Variants in AHI1 observed in about 807,000 individuals in gnomAD.
The protein encoded by AHI1 is Abelson helper integration site 1.
AHI1 carries 123 observed loss-of-function variants against 149.3 expected under a neutral mutation model. The observed-to-expected ratio is 0.82, with a 90% CI of 0.71 to 0.96. AHI1 has a LOEUF of 0.96. Among genes scored for constraint, AHI1 ranks in the 40% least tolerant of loss-of-function variants. The pLI is 0.00. For synonymous variants in AHI1, 475 were observed against 459.8 expected, an observed-to-expected ratio of 1.03 and a Z score of -0.42; for missense variants, 1,439 against 1,422.7, an observed-to-expected ratio of 1.01 and a Z score of -0.18.
At chr6:135,391,433 G>A (rs1217480517) in intron 23 of AHI1, among the ~76,000 whole-genome samples, 2 of 152,090 alleles carry the variant, frequency 1.3e-5, no homozygotes, top group African/African-American at 2.4e-5. Flanking sequence ...TACGTGTGCC[G>A]TTCACAGTAG....
chr6:135,363,045 T>A (rs557686604), intron 23 of AHI1, among the ~76,000 whole-genome samples: 1 of 147,830 alleles, frequency 6.8e-6, no homozygotes, highest in Non-Finnish European at 1.5e-5. Flanking sequence ...TTTTATTTTA[T>A]TATTATTATT....
chr6:135,389,792 A>T (rs1778203666), intron 23 of AHI1, among the ~76,000 whole-genome samples: 1 of 152,210 alleles, frequency 6.6e-6, no homozygotes, highest in African/African-American at 2.4e-5. Flanking sequence ...TCAAATATAA[A>T]CATGCAAAGA....
chr6:135,484,757 CAA>C (rs553118640), intron 5 of AHI1, among the ~76,000 whole-genome samples: 3 of 133,622 alleles, frequency 2.2e-5, no homozygotes, highest in Admixed American at 7.4e-5. Flanking sequence ...GGTTTTTGAC[CAA>C]AAAAAAAAAA....
At chr6:135,304,758 G>T (rs1056311998) in intron 26 of AHI1, among the ~76,000 whole-genome samples, 2 of 152,172 alleles carry the variant, frequency 1.3e-5, no homozygotes, top group Non-Finnish European at 2.9e-5. Context: ...GAGACAGAGC[G>T]AGATTCCATC....
At chr6:135,371,818 T>A (rs1025919100) in intron 23 of AHI1, among the ~76,000 whole-genome samples, 11 of 151,958 alleles carry the variant, frequency 7.2e-5, no homozygotes, top group African/African-American at 2.7e-4. Context: ...AGGGTTGGGG[T>A]GGGAGGACTT....
At chr6:135,480,877 T>C (rs1451249064) in intron 5 of AHI1, among the ~76,000 whole-genome samples, 1 of 152,164 alleles carries the variant, frequency 6.6e-6, no homozygotes, top group African/African-American at 2.4e-5. Context: ...AACAACCCTA[T>C]TACAAATGAC....
At chr6:135,294,794 A>G (rs559166310) in intron 27 of AHI1, among the ~76,000 whole-genome samples, 1 of 151,914 alleles carries the variant, frequency 6.6e-6, no homozygotes, top group Admixed American at 6.5e-5. Flanking sequence ...ACTGAAAACA[A>G]TTCATAGTCT....
At chr6:135,473,982 A>T (rs2128109530) in intron 5 of AHI1, among the ~76,000 whole-genome samples, 2 of 152,262 alleles carry the variant, frequency 1.3e-5, no homozygotes, top group African/African-American at 4.8e-5. Flanking sequence ...TTATTCTGTT[A>T]TTCACTTTCA....
intron 23 of AHI1, chr6:135,388,008 T>C (rs1777860542): frequency 6.2e-7 from 1 of 1,613,784 alleles, no homozygotes; most frequent in Non-Finnish European, 8.5e-7. Context: ...ATAATATACA[T>C]GTGTTGAATT....
intron 14 of AHI1, among the ~76,000 whole-genome samples, chr6:135,441,416 G>C (rs542185345): frequency 4.5e-4 from 68 of 151,702 alleles, no homozygotes; most frequent in Non-Finnish European, 7.4e-4. Context: ...AACATTTCAA[G>C]AAATAATGAC....
intron 23 of AHI1, among the ~76,000 whole-genome samples, chr6:135,387,209 A>G (rs891970904): frequency 6.6e-6 from 1 of 152,138 alleles, no homozygotes; most frequent in Non-Finnish European, 1.5e-5. Flanking sequence ...AGAGAGGAAA[A>G]ACTACAGGTT....
intron 23 of AHI1, among the ~76,000 whole-genome samples, chr6:135,364,144 T>C (rs1282639030): frequency 6.7e-6 from 1 of 149,864 alleles, no homozygotes; most frequent in Non-Finnish European, 1.5e-5. Context: ...ACAGGGTGGC[T>C]GCTGGGCGGA....
At chr6:135,387,160 G>A (rs1392809513) in intron 23 of AHI1, among the ~76,000 whole-genome samples, 1 of 152,166 alleles carries the variant, frequency 6.6e-6, no homozygotes, top group East Asian at 1.9e-4. Flanking sequence ...TGGGATTACA[G>A]GCATGAGACA....
At chr6:135,367,888 G>C (rs1774422338) in intron 23 of AHI1, among the ~76,000 whole-genome samples, 2 of 152,218 alleles carry the variant, frequency 1.3e-5, no homozygotes, top group Admixed American at 1.3e-4. Context: ...TCCATTGCTG[G>C]TGAGCTAGTG....
rs183835388 is a variant in AHI1, at chr6:135,432,705, C to G, written c.2266+322G>C. Among the ~76,000 whole-genome samples, 35 of 152,134 alleles carry G rather than the reference C, an allele frequency of 2.3e-4. No individual in the cohort carries two copies. The East Asian group carries it at 6.0e-3, about 26-fold the overall frequency. Reference sequence around the variant, plus strand: ...CTTTAAATAATTGCAAATTTCCCTTCTATATGTTTGCAAATTTTAAGGTTC... The same window carrying G: ...CTTTAAATAATTGCAAATTTCCCTTGTATATGTTTGCAAATTTTAAGGTTC... On this transcript the variant is annotated intron_variant, in intron 16 of 28. Transcript: ENST00000265602.
chr6:135,350,240 C>A (rs1236487193), intron 24 of AHI1, among the ~76,000 whole-genome samples: 2 of 151,844 alleles, frequency 1.3e-5, no homozygotes, highest in Admixed American at 1.3e-4. Context: ...GACCATCCAG[C>A]TTCCTTTCTG....
intron 23 of AHI1, among the ~76,000 whole-genome samples, chr6:135,382,946 T>TAC (rs1777041338): frequency 2.8e-5 from 3 of 107,846 alleles, no homozygotes; most frequent in African/African-American, 6.9e-5. Context: ...TATATATATA[T>TAC]ATATATATAC....
chr6:135,471,882 G>C (rs1047799970), intron 5 of AHI1, among the ~76,000 whole-genome samples: 2 of 151,454 alleles, frequency 1.3e-5, no homozygotes, highest in East Asian at 3.9e-4. Flanking sequence ...CGCGGTGGCG[G>C]GCACCTGTAG....
Position 135,457,261 on chromosome 6 carries a change from C to T in AHI1, c.1151+233G>A, listed in dbSNP as rs58999888. The stretch of plus-strand genomic sequence containing the variant: ...ATTGAGCACTGCATTCCAGCCTGGG[C>T]GACAAAGCGAGACTCCATCTCGGAA... On this transcript the variant is annotated intron_variant, in intron 9 of 28. Transcript: ENST00000265602. Among the ~76,000 whole-genome samples, 2,471 of 152,188 alleles carry T rather than the reference C, an allele frequency of 0.016. 25 individuals are homozygous for T. Among genetic ancestry groups the T allele is most frequent in the Middle Eastern group, 0.041 (12 of 294 alleles).
Sources: allele counts gnomAD v4.1 joint callset (sites outside exome capture counted in the v4.1 genomes callset), GRCh38; gene constraint gnomAD v4.1.1; transcripts MANE v1.5; gene names NCBI Gene and HGNC (gene_info 2026-07-23, HGNC 2026-07-21).